Variants in CFAP44 observed in about 807,000 individuals in gnomAD.
CFAP44 encodes the protein cilia and flagella associated protein 44.
A neutral mutation model predicts 216.2 loss-of-function variants in CFAP44; 134 were observed. The ratio of observed to expected loss-of-function variants is 0.62; its 90% confidence interval spans 0.54 to 0.72. The LOEUF is 0.72. Ranked by LOEUF, CFAP44 falls within the 30% of genes least tolerant of loss-of-function variation. The probability of loss-of-function intolerance (pLI) is 0.00; values close to 1 mark genes in which losing one functional copy is unlikely to be tolerated. For synonymous variants in CFAP44, 700 were observed against 727.6 expected (o/e 0.96, Z 0.61); for missense variants, 2,035 against 2,182.1 (o/e 0.93, Z 1.34).
chr3:113,419,907 C>A, intron 5 of CFAP44, 110 bp downstream of exon 5: 1 of 1,146,566 alleles, frequency 8.7e-7, no homozygotes, highest in East Asian at 2.5e-5. Flanking sequence ...TCATGTGAAC[C>A]CACAATACTG....
intron 29 of CFAP44, among the ~76,000 whole-genome samples, 172 bp downstream of exon 29, chr3:113,307,986 A>G (rs982406333): frequency 2.6e-5 from 4 of 152,224 alleles, no homozygotes; most frequent in African/African-American, 9.6e-5. Context: ...TCTCAAAAAA[A>G]TAAATAAATA....
At chr3:113,415,165 A>G (rs1444275169) in intron 6 of CFAP44, among the ~76,000 whole-genome samples, 1 of 152,100 alleles carries the variant, frequency 6.6e-6, no homozygotes. Context: ...TATCTATGGT[A>G]TTCTCTGATG....
intron 13 of CFAP44, 33 bp downstream of exon 13, chr3:113,399,873 G>C: frequency 7.0e-7 from 1 of 1,429,406 alleles, no homozygotes; most frequent in East Asian, 2.4e-5. Context: ...TTTACCAATA[G>C]ATTCTGGTAG....
intron 6 of CFAP44, among the ~76,000 whole-genome samples, chr3:113,413,914 G>T (rs1018174456): frequency 6.6e-6 from 1 of 152,210 alleles, no homozygotes; most frequent in African/African-American, 2.4e-5. Context: ...ATGGTAGTTT[G>T]ATGGGAATAG....
rs544279330 is a variant in CFAP44, at chr3:113,433,916, G to A, written c.-5-247C>T. 12 of 307,168 alleles carry A rather than the reference G, an allele frequency of 3.9e-5. 1 individual carries two copies. In the South Asian group the frequency reaches 1.3e-3, roughly 34 times the overall value. 19.0% of individuals were successfully genotyped at this position (307,168 alleles called of 1,614,324 possible). A position where few individuals can be genotyped will look rare whatever the true frequency, so the allele number is the denominator to read the frequency against. ...TAAATTGTCATTGTGGTGCACTTTG[G>A]TTTTCCAGAGGTCCACTACCAAAGT... is the stretch of plus-strand genomic sequence containing the variant. On this transcript the variant is annotated intron_variant, in intron 1 of 34. Coordinates refer to ENST00000393845, the MANE Select transcript of CFAP44 (RefSeq NM_001164496.2).
intron 16 of CFAP44, among the ~76,000 whole-genome samples, chr3:113,380,515 TA>T (rs1447010196): frequency 6.6e-6 from 1 of 151,922 alleles, no homozygotes; most frequent in African/African-American, 2.4e-5. Flanking sequence ...ACTGCAGCCA[TA>T]AACTCCCGGG....
chr3:113,369,364 A>G (rs1206743737), intron 18 of CFAP44, among the ~76,000 whole-genome samples: 1 of 152,236 alleles, frequency 6.6e-6, no homozygotes, highest in Non-Finnish European at 1.5e-5. Flanking sequence ...GTAAAAGAAT[A>G]GAAATCACAA....
Position 113,366,371 on chromosome 3 carries a change from CT to C in CFAP44, c.2445-63del. 2.6e-6 allele frequency: 4 copies of C among 1,541,524 alleles called. No homozygotes were observed. In the Admixed American group the frequency reaches 7.6e-5, roughly 29 times the overall value. ...ATCTGAAAATAATGCTTAATTTCAA[CT>C]TAATTGACAAGTGGCTAAATTAATA... On this transcript the variant is annotated intron_variant, in intron 18 of 34. Coordinates refer to ENST00000393845, the MANE Select transcript of CFAP44 (RefSeq NM_001164496.2).
intron 28 of CFAP44, among the ~76,000 whole-genome samples, chr3:113,324,070 G>C (rs1365862583): frequency 1.5e-5 from 2 of 137,234 alleles, no homozygotes; most frequent in African/African-American, 2.9e-5. Context: ...GAGAGAAATA[G>C]ATCATTTGAA....
intron 28 of CFAP44, among the ~76,000 whole-genome samples, chr3:113,320,224 GTC>G (rs111963316): frequency 0.013 from 1,861 of 141,020 alleles, 22 homozygotes; most frequent in African/African-American, 0.037. Context: ...AGGTATATTA[GTC>G]TCTCTCTCTC....
At chr3:113,418,939 C>T (rs1403625084) in intron 5 of CFAP44, among the ~76,000 whole-genome samples, 16 of 151,632 alleles carry the variant, frequency 1.1e-4, no homozygotes, top group Admixed American at 9.2e-4. Context: ...CTCCTGACCT[C>T]GTGATCCACC....
chr3:113,379,430 T>G lies in CFAP44; in HGVS notation c.2174A>C (p.Glu725Ala). ...CTCCTCCTCCTCTTTCTCCTCTTCC[T>G]CCTCCTGAAATTCTTTTTCTCCATC... The part of the protein sequence containing the change: ...GEDGEKEFQE[E>A]EEEKEEEEEE... The change falls in exon 17 of 35, where the codon GAG (glutamate) becomes GCG (alanine). Residue 725 changes from glutamate to alanine, a missense_variant. By Grantham distance (107) the Glu-to-Ala change is moderately radical. Coordinates refer to ENST00000393845, the MANE Select transcript of CFAP44 (RefSeq NM_001164496.2). 1 of 1,612,918 alleles carries G rather than the reference T, an allele frequency of 6.2e-7. No individual in the cohort carries two copies. Among genetic ancestry groups the G allele is most frequent in the Non-Finnish European group, 8.5e-7 (1 of 1,179,068 alleles).
chr3:113,389,085 C>T (rs1933727990), intron 15 of CFAP44, among the ~76,000 whole-genome samples: 1 of 152,174 alleles, frequency 6.6e-6, no homozygotes, highest in Admixed American at 6.5e-5. Flanking sequence ...TTATTCTCCT[C>T]AGCATATGGA....
chr3:113,323,759 T>C (rs749616303), intron 28 of CFAP44, among the ~76,000 whole-genome samples: 2 of 152,114 alleles, frequency 1.3e-5, no homozygotes, highest in Admixed American at 6.6e-5. Context: ...AATAGATCAT[T>C]TGGGCTGGGT....
Position 113,344,674 on chromosome 3 carries a change from T to C in CFAP44, c.3104A>G (p.His1035Arg). The C allele has an allele frequency of 6.5e-7, 1 of 1,530,026 alleles. No homozygotes were observed. The highest frequency in any genetic ancestry group is 8.7e-7 in the Non-Finnish European group (1 of 1,145,112). 94.8% of individuals were successfully genotyped at this position (1,530,026 alleles called of 1,614,324 possible). Residue 1035 changes from histidine to arginine, a missense_variant, in exon 23 of 35, where the codon CAT (histidine) becomes CGT (arginine). Coordinates refer to ENST00000393845, the MANE Select transcript of CFAP44 (RefSeq NM_001164496.2). ...DPLESDTIVVHAILSDHKISS... is the reference protein window; with the variant it reads ...DPLESDTIVVRAILSDHKISS... ...TATCTTGTGGTCACTCAGTATGGCA[T>C]GAACCACAATAGTATCACTTTCCAG...
intron 28 of CFAP44, among the ~76,000 whole-genome samples, chr3:113,324,359 T>A (rs66524865): frequency 0.43 from 65,153 of 151,908 alleles, 16,452 homozygotes; most frequent in Admixed American, 0.56. Flanking sequence ...AGACAAAAAA[T>A]TTCTTAATGA....
chr3:113,419,825 A>G (rs1934759738), intron 5 of CFAP44, among the ~76,000 whole-genome samples, 192 bp downstream of exon 5: 1 of 152,224 alleles, frequency 6.6e-6, no homozygotes, highest in African/African-American at 2.4e-5. Context: ...TAGTGCACAG[A>G]GGTAGTGACA....
chr3:113,363,293 C>T lies in CFAP44; in HGVS notation c.2786G>A (p.Arg929Lys). Residue 929 changes from arginine (R) to lysine (K), a missense_variant, in exon 21 of 35, where the codon AGG (arginine) becomes AAG (lysine). Around this residue, in one of 3 missense-constraint regions of CFAP44, gnomAD observed 1,883 missense variants for 2,023.7 expected, o/e 0.93. Coordinates refer to ENST00000393845, the MANE Select transcript of CFAP44 (RefSeq NM_001164496.2). The part of the protein sequence containing the change: ...DPKAYSIENA[R>K]RKREHDKLMK... ...TAACTTGTCATGTTCTCTTTTTCTC[C>T]TAGCATTCTCGATACTGAAAACAGA... is the stretch of plus-strand genomic sequence containing the variant. The T allele has an allele frequency of 6.2e-7, 1 of 1,606,722 alleles. No individual in the cohort carries two copies. The highest frequency in any genetic ancestry group is 8.5e-7 in the Non-Finnish European group (1 of 1,177,990).
At chr3:113,438,670 C>T (rs77343194) in intron 1 of CFAP44, among the ~76,000 whole-genome samples, 1 of 152,166 alleles carries the variant, frequency 6.6e-6, no homozygotes, top group Non-Finnish European at 1.5e-5. Flanking sequence ...CTCAGCTCTA[C>T]TTCTTAGTAT....
Sources: gnomAD v4.1 joint callset for allele counts (sites outside exome capture counted in the v4.1 genomes callset) on GRCh38, gnomAD v4.1.1 for gene constraint, gnomAD v4.1.1 regional missense constraint, MANE v1.5 for transcripts, NCBI Gene and HGNC (gene_info 2026-07-23, HGNC 2026-07-21) for gene names.